Variants in WASHC2C observed in about 807,000 individuals in gnomAD.
WASHC2C encodes WASH complex subunit 2C.
WASHC2C carries 73 observed loss-of-function variants against 142.2 expected under a neutral mutation model. That is an observed-to-expected ratio of 0.51 (90% CI 0.43 to 0.62). The LOEUF (loss-of-function observed/expected upper bound fraction) is 0.62, where lower values mean the gene tolerates loss of function less well. Among genes scored for constraint, WASHC2C ranks in the 20% least tolerant of loss-of-function variants. The pLI is 0.00. For missense variants in WASHC2C, 969 were observed against 1,531.7 expected (o/e 0.63, Z 6.13); for synonymous variants, 337 against 565.5 (o/e 0.60, Z 5.73).
chr10:45,784,263 T>G (rs1238035291), intron 23 of WASHC2C, among the ~76,000 whole-genome samples: 7 of 4,926 alleles, frequency 1.4e-3, no homozygotes, highest in African/African-American at 2.8e-3. Context: ...TATATATATA[T>G]ATATATATAT....
At chr10:45,785,801 C>T in intron 26 of WASHC2C, 170 bp downstream of exon 26, 5 of 1,187,084 alleles carry the variant, frequency 4.2e-6, no homozygotes, top group Non-Finnish European at 6.0e-6. Flanking sequence ...CCCCTCTCCT[C>T]ACTCCACACG....
At chr10:45,785,228 CAA>C (rs2057943020) in intron 25 of WASHC2C, among the ~76,000 whole-genome samples, 1 of 152,186 alleles carries the variant, frequency 6.6e-6, no homozygotes, top group African/African-American at 2.4e-5. Flanking sequence ...CTTTCAGGTG[CAA>C]AGCTTTGAAT....
intron 3 of WASHC2C, among the ~76,000 whole-genome samples, chr10:45,732,532 G>C (rs1480913227): frequency 1.3e-5 from 2 of 152,104 alleles, no homozygotes; most frequent in African/African-American, 4.8e-5. Flanking sequence ...TAAATGAACT[G>C]GTGAGGGAGG....
At chr10:45,782,452 A>G (rs1195377171) in intron 23 of WASHC2C, among the ~76,000 whole-genome samples, 2 of 149,852 alleles carry the variant, frequency 1.3e-5, no homozygotes, top group Admixed American at 1.3e-4. Flanking sequence ...AAAAAAAAAA[A>G]GGGAAGTAAC....
At chr10:45,756,368 G>T (rs1424017222) in intron 15 of WASHC2C, among the ~76,000 whole-genome samples, 3 of 152,006 alleles carry the variant, frequency 2.0e-5, no homozygotes, top group African/African-American at 7.3e-5. Flanking sequence ...AAAAAGAAAG[G>T]GGTCTACGCT....
intron 2 of WASHC2C, among the ~76,000 whole-genome samples, 156 bp downstream of exon 2, chr10:45,727,695 G>A (rs546258172): frequency 6.6e-6 from 1 of 152,248 alleles, no homozygotes; most frequent in East Asian, 1.9e-4. Context: ...TGCCACCCTG[G>A]CAGTCCCCGG....
At chr10:45,785,727 A>G in intron 26 of WASHC2C, 96 bp downstream of exon 26, 3 of 1,604,728 alleles carry the variant, frequency 1.9e-6, no homozygotes, top group Non-Finnish European at 2.5e-6. Flanking sequence ...ACTTGTCTGC[A>G]TTAAGGAGGA....
intron 13 of WASHC2C, 149 bp downstream of exon 13, chr10:45,753,386 C>A: frequency 1.3e-6 from 1 of 784,008 alleles, no homozygotes; most frequent in Non-Finnish European, 2.0e-6. Flanking sequence ...GAAAGTAATT[C>A]ATCTTCACTA....
At position 45,750,771 on chromosome 10, in the gene WASHC2C, G is replaced by A. The variant is rs782331037; in HGVS notation, c.864G>A (p.Ser288=). The change falls in exon 10 of 31, where the codon TCG becomes TCA. Residue 288 remains serine, a synonymous_variant. Coordinates refer to ENST00000623400, the MANE Select transcript of WASHC2C (RefSeq NM_001330074.2). ...NTRPKRSRPT[S]FADELAARIK... ...TGTAGAAAAGAAGCAGACCTACATC[G>A]TTTGCAGATGAGCTGGCTGCCCGCA... 5.2e-6 allele frequency: 8 copies of A among 1,548,620 alleles called. No homozygotes were observed. In the Admixed American group the frequency reaches 5.9e-5, roughly 11 times the overall value.
chr10:45,739,104 G>A (rs2134229083), intron 4 of WASHC2C, among the ~76,000 whole-genome samples: 1 of 151,496 alleles, frequency 6.6e-6, no homozygotes, highest in African/African-American at 2.4e-5. Flanking sequence ...AAGGTGATAG[G>A]TATTTAGTGT....
intron 20 of WASHC2C, among the ~76,000 whole-genome samples, chr10:45,772,804 A>G (rs2135427395): frequency 6.6e-6 from 1 of 152,352 alleles, no homozygotes; most frequent in East Asian, 1.9e-4. Context: ...ACTAAAAAAA[A>G]GAAATAGAAG....
chr10:45,761,115 C>T (rs1316201258), intron 17 of WASHC2C, among the ~76,000 whole-genome samples: 3 of 151,728 alleles, frequency 2.0e-5, no homozygotes, highest in African/African-American at 4.9e-5. Context: ...TTAGCTAGGC[C>T]GTTGTCACTG....
chr10:45,752,615 C>A lies in WASHC2C; in HGVS notation c.1031C>A (p.Pro344His), dbSNP rs200898572. ...GAAGAGGATAACTTATTCGCACCCC[C>A]CAAGCTGACCGACGAGGACTTCTCG... is the stretch of plus-strand genomic sequence containing the variant. ...DDEEDNLFAP[P>H]KLTDEDFSPF... Residue 344 changes from proline (P) to histidine (H), a missense_variant, in exon 12 of 31, where the codon CCC becomes CAC. Coordinates refer to ENST00000623400, the MANE Select transcript of WASHC2C (RefSeq NM_001330074.2). 239 of 1,609,866 alleles carry A rather than the reference C, an allele frequency of 1.5e-4. 6 individuals are homozygous for A. In the South Asian group the frequency reaches 1.9e-3, roughly 13 times the overall value.
chr10:45,754,929 C>T lies in WASHC2C; in HGVS notation c.1241-7C>T, dbSNP rs782551623. The T allele has an allele frequency of 1.9e-6, 3 of 1,612,032 alleles. No homozygotes were observed. The Admixed American group carries it at 5.0e-5, about 27-fold the overall frequency. Reference sequence around the variant, plus strand: ...CAGCTGTGGCTGTCTTGTCCCTTCACTCACAGGAGACACGGATGTGTTTGG... The same window carrying T: ...CAGCTGTGGCTGTCTTGTCCCTTCATTCACAGGAGACACGGATGTGTTTGG... On this transcript the variant is annotated splice_region_variant and splice_polypyrimidine_tract_variant and intron_variant, in intron 14 of 30. Transcript: ENST00000623400.
chr10:45,749,836 AATAT>A (rs1554873239), intron 8 of WASHC2C, among the ~76,000 whole-genome samples: 7 of 101,780 alleles, frequency 6.9e-5, no homozygotes, highest in Non-Finnish European at 7.3e-5. Context: ...AAAAAAAAAA[AATAT>A]ATATATATAT....
At chr10:45,733,489 G>T (rs1203514307) in intron 3 of WASHC2C, among the ~76,000 whole-genome samples, 1 of 152,070 alleles carries the variant, frequency 6.6e-6, no homozygotes, top group South Asian at 2.1e-4. Context: ...ACAGTCCTGG[G>T]TATAGCTATC....
intron 18 of WASHC2C, among the ~76,000 whole-genome samples, chr10:45,763,940 G>A (rs1163789119): frequency 2.0e-5 from 3 of 152,190 alleles, no homozygotes; most frequent in Non-Finnish European, 4.4e-5. Flanking sequence ...GATCTCAGGT[G>A]ATCCGCCTGC....
At chr10:45,727,803 C>T (rs559663137) in intron 2 of WASHC2C, among the ~76,000 whole-genome samples, 2,379 of 152,008 alleles carry the variant, frequency 0.016, 55 homozygotes, top group African/African-American at 0.053. Context: ...GATCCGTTTC[C>T]GCCACACTGA....
At chr10:45,734,149 C>T (rs1203378378) in intron 3 of WASHC2C, among the ~76,000 whole-genome samples, 11 of 151,998 alleles carry the variant, frequency 7.2e-5, no homozygotes, top group East Asian at 3.9e-4. Flanking sequence ...GGCATGAACC[C>T]GGGAGGCAGA....
Sources: gnomAD v4.1 joint callset for allele counts (sites outside exome capture counted in the v4.1 genomes callset) on GRCh38, gnomAD v4.1.1 for gene constraint, MANE v1.5 for transcripts, NCBI Gene and HGNC (gene_info 2026-07-23, HGNC 2026-07-21) for gene names.